Variants in KCNAB2 observed in about 807,000 individuals in gnomAD.
KCNAB2 encodes voltage-gated potassium channel subunit beta-2.
A neutral mutation model predicts 63.6 loss-of-function variants in KCNAB2; 29 were observed. That is an observed-to-expected ratio of 0.46 (90% CI 0.34 to 0.62). The LOEUF (loss-of-function observed/expected upper bound fraction) is 0.62. Among genes scored for constraint, KCNAB2 ranks in the 20% least tolerant of loss-of-function variants. The probability of loss-of-function intolerance (pLI) is 0.01; values close to 1 mark genes in which losing one functional copy is unlikely to be tolerated. For synonymous variants in KCNAB2, 222 were observed against 224.2 expected, an observed-to-expected ratio of 0.99 and a Z score of 0.09; for missense variants, 359 against 563.9, an observed-to-expected ratio of 0.64 and a Z score of 3.68.
In KCNAB2 at chr1:6,064,240, G is replaced by A. The variant is rs147265692; in HGVS notation, c.219-8515G>A. Among the ~76,000 whole-genome samples, 315 of 152,330 alleles carry A rather than the reference G, an allele frequency of 2.1e-3. 1 individual carries two copies. Among genetic ancestry groups the A allele is most frequent in the African/African-American group, 6.5e-3 (269 of 41,564 alleles). On this transcript the variant is annotated intron_variant, in intron 2 of 15. Coordinates refer to ENST00000378083, the MANE Select transcript of KCNAB2 (RefSeq NM_001199862.2). ...GCTGGGCCTCAGAGCCACTGATTCC[G>A]TAGGTCAGGGGGATGCCCAGGACCC...
intron 11 of KCNAB2, among the ~76,000 whole-genome samples, chr1:6,094,723 A>G (rs1457353795): frequency 1.3e-5 from 2 of 152,168 alleles, no homozygotes; most frequent in Non-Finnish European, 2.9e-5. Flanking sequence ...AACGTCTCTG[A>G]GCTTGTTTCC....
Position 5,999,536 on chromosome 1 carries a change from G to A in KCNAB2, c.-53+6748G>A, listed in dbSNP as rs1019624662. ...GGGTTTCTGTAATTCTTGGGAACAT[G>A]TGAAGCCCACATTCTACTGGAATGA... On this transcript the variant is annotated intron_variant, in intron 1 of 16. Transcript: ENST00000341524. 5.3e-5 allele frequency among the ~76,000 whole-genome samples: 8 copies of A among 152,322 alleles called. No homozygotes were observed. In the South Asian group the frequency reaches 1.5e-3, roughly 28 times the overall value.
intron 1 of KCNAB2, among the ~76,000 whole-genome samples, chr1:6,009,123 C>T (rs149345846): frequency 0.012 from 1,754 of 152,340 alleles, 31 homozygotes; most frequent in African/African-American, 0.039. Context: ...ATTCTCATCT[C>T]GGGACATGAG....
chr1:6,099,763 C>T lies in KCNAB2; in HGVS notation c.*1189C>T, dbSNP rs1446471581. On this transcript the variant is annotated 3_prime_UTR_variant, in exon 16 of 16. Transcript: ENST00000378083. The stretch of plus-strand genomic sequence containing the variant: ...GGAAAAGACCTCAGGGAACCTCTCC[C>T]TGGAAAGACGGGCAGGGCTGGTTAG... 2.1e-6 allele frequency: 3 copies of T among 1,463,390 alleles called. No homozygotes were observed. The highest frequency in any genetic ancestry group is 2.7e-6 in the Non-Finnish European group (3 of 1,106,454). 90.7% of individuals were successfully genotyped at this position (1,463,390 alleles called of 1,614,324 possible).
intron 7 of KCNAB2, among the ~76,000 whole-genome samples, chr1:6,088,026 A>G (rs1448194189): frequency 5.9e-5 from 9 of 151,986 alleles, no homozygotes; most frequent in Non-Finnish European, 1.3e-4. Flanking sequence ...ACTACGATTC[A>G]TTCATTCATT....
Position 6,046,092 on chromosome 1 carries a change from A to G in KCNAB2, c.-118A>G, listed in dbSNP as rs1021488399. 48 of 985,264 alleles carry G rather than the reference A, an allele frequency of 4.9e-5. No individual in the cohort carries two copies. Among genetic ancestry groups the G allele is most frequent in the Non-Finnish European group, 5.7e-5 (47 of 829,932 alleles). 61.0% of individuals were successfully genotyped at this position (985,264 alleles called of 1,614,324 possible). On this transcript the variant is annotated 5_prime_UTR_variant, in exon 1 of 16. Coordinates refer to ENST00000378083, the MANE Select transcript of KCNAB2 (RefSeq NM_001199862.2). The stretch of plus-strand genomic sequence containing the variant: ...TCCTGCAGTGACACTCCCTAATGAA[A>G]AAGCCGCTGTGCCAGATCCTTAGAG...
Position 6,038,020 on chromosome 1 carries a change from G to GCC in KCNAB2, c.-52-2495_-52-2494dup, listed in dbSNP as rs145683262. Among the ~76,000 whole-genome samples the GCC allele has an allele frequency of 3.6e-3, 549 of 151,406 alleles. 3 individuals are homozygous for GCC. Among genetic ancestry groups the GCC allele is most frequent in the Non-Finnish European group, 6.8e-3 (464 of 67,826 alleles). ...CTCCCAAGTAGCTGGGACTACAGGC[G>GCC]CCCGCCATCACACCCAGCTAATTTT... On this transcript the variant is annotated intron_variant, in intron 1 of 15. Transcript: ENST00000164247.
chr1:6,003,803 T>C lies in KCNAB2; in HGVS notation c.-53+11015T>C, dbSNP rs1436985232. Among the ~76,000 whole-genome samples, 2 of 152,238 alleles carry C rather than the reference T, an allele frequency of 1.3e-5. No homozygotes were observed. Among genetic ancestry groups the C allele is most frequent in the African/African-American group, 2.4e-5 (1 of 41,454 alleles). On this transcript the variant is annotated intron_variant, in intron 1 of 16. Transcript: ENST00000341524. The surrounding 1 kb of genome is among the most constrained non-coding windows in gnomAD (Gnocchi z 4.1). ...TGAGTATTTTCATTTAAAAATGTTT[T>C]TGTCTGCTGGCTATGTGATTGCAGA...
At position 6,005,933 on chromosome 1, in the gene KCNAB2, A is replaced by T. The variant is rs796556096; in HGVS notation, c.-53+13145A>T. On this transcript the variant is annotated intron_variant, in intron 1 of 16. Coordinates refer to the KCNAB2 transcript ENST00000341524. Reference sequence around the variant, plus strand: ...CTCAGCTCCCACATCCCCCCACTCCACCCTCACCCCTCAGCTCAGCTCCTA... The same window carrying T: ...CTCAGCTCCCACATCCCCCCACTCCTCCCTCACCCCTCAGCTCAGCTCCTA... Among the ~76,000 whole-genome samples, 155 of 36,842 alleles carry T rather than the reference A, an allele frequency of 4.2e-3. 3 individuals carry two copies. The highest frequency in any genetic ancestry group is 0.01 in the African/African-American group (58 of 5,794). The allele number at this position is 36,842 out of a possible 152,430, so 24.2% of individuals were successfully genotyped here. A position where few individuals can be genotyped will look rare whatever the true frequency, so the allele number is the denominator to read the frequency against.
intron 2 of KCNAB2, among the ~76,000 whole-genome samples, chr1:6,070,868 G>A (rs906215322): frequency 3.3e-5 from 5 of 152,084 alleles, no homozygotes; most frequent in South Asian, 2.1e-4. Context: ...GCCGCCACCC[G>A]GTGCGCCCCT....
At chr1:6,089,840 G>A (rs1665029731) in intron 8 of KCNAB2, among the ~76,000 whole-genome samples, 1 of 152,208 alleles carries the variant, frequency 6.6e-6, no homozygotes, top group Non-Finnish European at 1.5e-5. Flanking sequence ...TGGGATTACA[G>A]GTGCCCACCA....
intron 10 of KCNAB2, among the ~76,000 whole-genome samples, chr1:6,091,778 A>G (rs936456830): frequency 5.9e-5 from 9 of 152,156 alleles, no homozygotes; most frequent in African/African-American, 1.9e-4. Flanking sequence ...TCCTGGAGGC[A>G]GAGATCACCT....
intron 1 of KCNAB2, among the ~76,000 whole-genome samples, chr1:6,012,665 G>A (rs376368121): frequency 6.6e-6 from 1 of 151,550 alleles, no homozygotes; most frequent in East Asian, 1.9e-4. Flanking sequence ...AGGTGATGAA[G>A]GTGGAGGTGG....
intron 14 of KCNAB2, among the ~76,000 whole-genome samples, chr1:6,097,056 G>A (rs1377232594): frequency 6.6e-6 from 1 of 152,150 alleles, no homozygotes; most frequent in Admixed American, 6.5e-5. Context: ...TAAGCACTTG[G>A]GCCACCTCTC....
intron 15 of KCNAB2, 107 bp downstream of exon 15, chr1:6,097,464 A>G: frequency 6.5e-7 from 1 of 1,534,194 alleles, no homozygotes; most frequent in Non-Finnish European, 8.8e-7. Flanking sequence ...CTAGGCACTC[A>G]GGATGCGCCC....
At chr1:6,063,688 G>A (rs1343271924) in intron 2 of KCNAB2, among the ~76,000 whole-genome samples, 3 of 152,210 alleles carry the variant, frequency 2.0e-5, no homozygotes, top group Non-Finnish European at 1.5e-5. Context: ...TGGGATTACA[G>A]GCATGAGCCA....
intron 1 of KCNAB2, among the ~76,000 whole-genome samples, chr1:6,004,991 GATC>G (rs1405063641): frequency 2.3e-4 from 28 of 122,448 alleles, no homozygotes; most frequent in Middle Eastern, 4.2e-3. Flanking sequence ...TGCAGGCAGA[GATC>G]TGGGAGCTGA....
At chr1:6,051,255 C>T (rs1042955493) in intron 1 of KCNAB2, among the ~76,000 whole-genome samples, 2 of 152,250 alleles carry the variant, frequency 1.3e-5, no homozygotes, top group African/African-American at 4.8e-5. Flanking sequence ...TTTGCCTGTG[C>T]TTGTCTCACA....
Position 6,074,100 on chromosome 1 carries a change from C to A in KCNAB2, c.300+330C>A, listed in dbSNP as rs546755416. On this transcript the variant is annotated intron_variant, in intron 4 of 15. Transcript: ENST00000378083. The surrounding 1 kb of genome is among the most constrained non-coding windows in gnomAD (Gnocchi z 4.9). ...TAACGAGGAGAATTCAGGGTGCACA[C>A]GCTTCCCAAATTCTGAAGCCGGATG... is the stretch of plus-strand genomic sequence containing the variant. Among the ~76,000 whole-genome samples the A allele has an allele frequency of 2.0e-5, 3 of 152,210 alleles. No homozygotes were observed. Among genetic ancestry groups the A allele is most frequent in the African/African-American group, 7.2e-5 (3 of 41,452 alleles).
Sources: allele counts gnomAD v4.1 joint callset (sites outside exome capture counted in the v4.1 genomes callset), GRCh38; gene constraint gnomAD v4.1.1; non-coding constraint Gnocchi (gnomAD v3.1); transcripts MANE v1.5; gene names NCBI Gene and HGNC (gene_info 2026-07-23, HGNC 2026-07-21).